The following DNAH11 variants were observed in gnomAD, a reference collection of about 807,000 sequenced individuals.
DNAH11 encodes the protein dynein axonemal heavy chain 11.
A neutral mutation model predicts 526.0 loss-of-function variants in DNAH11; 442 were observed. The ratio of observed to expected loss-of-function variants is 0.84; its 90% confidence interval spans 0.78 to 0.91. The LOEUF (loss-of-function observed/expected upper bound fraction) is 0.91. Among genes scored for constraint, DNAH11 ranks in the 40% least tolerant of loss-of-function variants. DNAH11 has a pLI of 0.00. For synonymous variants in DNAH11, 2,461 were observed against 1,935.9 expected, an observed-to-expected ratio of 1.27 and a Z score of -7.12; for missense variants, 6,989 against 5,448.7, an observed-to-expected ratio of 1.28 and a Z score of -8.90.
chr7:21,650,686 C>A (rs572416659), intron 28 of DNAH11, among the ~76,000 whole-genome samples: 2 of 151,846 alleles, frequency 1.3e-5, no homozygotes, highest in African/African-American at 4.8e-5. Flanking sequence ...GTCTCCCAGG[C>A]TGGAGTGCAG....
chr7:21,651,147 ATTAG>A (rs1185764718), intron 28 of DNAH11, among the ~76,000 whole-genome samples: 6 of 152,258 alleles, frequency 3.9e-5, no homozygotes, highest in Admixed American at 2.6e-4. Flanking sequence ...TTATGAATAA[ATTAG>A]TTAATGAAAA....
At position 21,883,944 on chromosome 7, in the gene DNAH11, G is replaced by A. The variant is rs186937480; in HGVS notation, c.12388-347G>A. 2.0e-5 allele frequency among the ~76,000 whole-genome samples: 3 copies of A among 152,270 alleles called. No individual in the cohort carries two copies. In the East Asian group the frequency reaches 5.8e-4, roughly 29 times the overall value. ...TGTAGTCCTAGTTACTTGGGAGGCT[G>A]AGGCGAGAGGATTGCTGGAGCCCCA... On this transcript the variant is annotated intron_variant, in intron 75 of 81. Transcript: ENST00000409508.
chr7:21,702,337 A>C (rs1784098510), intron 36 of DNAH11, among the ~76,000 whole-genome samples: 2 of 152,066 alleles, frequency 1.3e-5, no homozygotes, highest in South Asian at 4.2e-4. Context: ...CCCTTGATGA[A>C]ACCAGCACAG....
At chr7:21,786,598 A>G (rs771488378) in intron 58 of DNAH11, 26 bp from the exon 59 acceptor site, 28 of 1,599,732 alleles carry the variant, frequency 1.8e-5, no homozygotes, top group Middle Eastern at 1.7e-4. Flanking sequence ...CTGTCTGTGT[A>G]CGTGTTTCTG....
intron 1 of DNAH11, chr7:21,543,819 C>T: frequency 1.7e-6 from 1 of 571,468 alleles, no homozygotes; most frequent in South Asian, 2.4e-5. Context: ...TTGTATCTGA[C>T]CGAGAATCCC....
chr7:21,613,159 T>A (rs991391068), intron 20 of DNAH11, among the ~76,000 whole-genome samples: 2 of 152,144 alleles, frequency 1.3e-5, no homozygotes, highest in African/African-American at 4.8e-5. Flanking sequence ...GTAGGGGAAA[T>A]GAACTTCACA....
intron 66 of DNAH11, chr7:21,851,537 C>A (rs1782638069): frequency 4.2e-6 from 2 of 471,374 alleles, no homozygotes; most frequent in Non-Finnish European, 8.8e-6. Flanking sequence ...TGGTTACTTT[C>A]CCTCTGAGCT....
At position 21,828,423 on chromosome 7, in the gene DNAH11, A is replaced by G. The variant is rs117439712; in HGVS notation, c.10691+10084A>G. ...AAAATTTAATTGCCACAAATCTGCA[A>G]CAGCTTTTCTATTCCTAAATTTAGT... On this transcript the variant is annotated intron_variant, in intron 65 of 81. Transcript: ENST00000409508. Among the ~76,000 whole-genome samples, 438 of 152,334 alleles carry G rather than the reference A, an allele frequency of 2.9e-3. 3 individuals are homozygous for G. The highest frequency in any genetic ancestry group is 2.2e-3 in the Non-Finnish European group (149 of 68,030).
At chr7:21,639,797 A>G (rs1032267103) in intron 28 of DNAH11, among the ~76,000 whole-genome samples, 8 of 152,180 alleles carry the variant, frequency 5.3e-5, no homozygotes, top group Non-Finnish European at 1.0e-4. Context: ...GGTCACTCCT[A>G]GAGTTGAGTG....
intron 8 of DNAH11, among the ~76,000 whole-genome samples, chr7:21,573,617 T>C (rs10950859): frequency 0.13 from 19,419 of 152,218 alleles, 2,532 homozygotes; most frequent in African/African-American, 0.32. Flanking sequence ...GAGTTCCTTG[T>C]ACTTTGACTT....
intron 21 of DNAH11, 39 bp from the exon 22 acceptor site, chr7:21,616,170 A>G: frequency 6.5e-7 from 1 of 1,528,544 alleles, no homozygotes. Context: ...TGCTTTCACC[A>G]AATGTTGTTG....
chr7:21,874,649 A>G (rs934811286), intron 74 of DNAH11, among the ~76,000 whole-genome samples: 1 of 152,042 alleles, frequency 6.6e-6, no homozygotes, highest in Non-Finnish European at 1.5e-5. Context: ...GGCCAAATAC[A>G]TATATAAATT....
chr7:21,681,397 A>C, intron 30 of DNAH11, 149 bp from the exon 31 acceptor site: 1 of 773,222 alleles, frequency 1.3e-6, no homozygotes, highest in Non-Finnish European at 2.0e-6. Context: ...ACTGCACTCC[A>C]GCCTGGGTGA....
chr7:21,588,463 C>T (rs1784551132), intron 10 of DNAH11, 49 bp from the exon 11 acceptor site: 1 of 1,605,178 alleles, frequency 6.2e-7, no homozygotes, highest in African/African-American at 1.3e-5. Context: ...GGAAACCATT[C>T]TGACTAAATG....
intron 32 of DNAH11, 58 bp from the exon 33 acceptor site, chr7:21,687,041 G>A (rs984633688): frequency 6.6e-7 from 1 of 1,522,510 alleles, no homozygotes; most frequent in Admixed American, 2.1e-5. Context: ...TATTGCCTCT[G>A]ATGTTTTATG....
At chr7:21,615,845 T>C (rs1171624347) in intron 21 of DNAH11, among the ~76,000 whole-genome samples, 1 of 152,156 alleles carries the variant, frequency 6.6e-6, no homozygotes, top group African/African-American at 2.4e-5. Context: ...TTTATAATGG[T>C]TGAAAATTGT....
chr7:21,558,151 G>GA (rs1462241880), intron 2 of DNAH11, among the ~76,000 whole-genome samples: 4 of 152,186 alleles, frequency 2.6e-5, no homozygotes, highest in Admixed American at 2.6e-4. Context: ...TCAGAAAAAT[G>GA]AAAAAATGTT....
intron 46 of DNAH11, among the ~76,000 whole-genome samples, chr7:21,738,020 C>T (rs1785692617): frequency 6.6e-6 from 1 of 151,890 alleles, no homozygotes. Flanking sequence ...GGTGGTATAG[C>T]AATGAATATG....
At position 21,632,887 on chromosome 7, in the gene DNAH11, A is replaced by G. The variant is rs556929840; in HGVS notation, c.4501-2984A>G. 1.4e-4 allele frequency among the ~76,000 whole-genome samples: 21 copies of G among 152,236 alleles called. No individual in the cohort carries two copies. The South Asian group carries it at 4.4e-3, about 32-fold the overall frequency. On this transcript the variant is annotated intron_variant, in intron 25 of 81. Coordinates refer to ENST00000409508, the MANE Select transcript of DNAH11 (RefSeq NM_001277115.2). ...CACCCTATTGGTACCAATTTACTGA[A>G]TTAGTTCATTTTCATGCTGCTGATA... is the stretch of plus-strand genomic sequence containing the variant.
Sources: gnomAD v4.1 joint callset for allele counts (sites outside exome capture counted in the v4.1 genomes callset) on GRCh38, gnomAD v4.1.1 for gene constraint, MANE v1.5 for transcripts, NCBI Gene and HGNC (gene_info 2026-07-23, HGNC 2026-07-21) for gene names.